MARCHF8: variants seen among roughly 807,000 people sequenced by gnomAD.
MARCHF8 encodes membrane associated ring-CH-type finger 8.
A neutral mutation model predicts 51.6 loss-of-function variants in MARCHF8; 40 were observed. The observed-to-expected ratio is 0.77, with a 90% CI of 0.60 to 1.01. The LOEUF (loss-of-function observed/expected upper bound fraction) is 1.01, where lower values mean the gene tolerates loss of function less well. Ranked by LOEUF, MARCHF8 falls within the 50% of genes least tolerant of loss-of-function variation. The pLI, the probability that MARCHF8 is intolerant of heterozygous loss-of-function variation, is 0.00. For synonymous variants in MARCHF8, 263 were observed against 280.3 expected (o/e 0.94, Z 0.62); for missense variants, 685 against 708.6 (o/e 0.97, Z 0.38).
intron 1 of MARCHF8, among the ~76,000 whole-genome samples, chr10:45,550,084 T>C (rs751829054): frequency 6.6e-6 from 1 of 152,196 alleles, no homozygotes; most frequent in African/African-American, 2.4e-5. Flanking sequence ...TTTGTAACAA[T>C]TTACCACATG....
At chr10:45,488,818 T>A (rs1159191315) in intron 3 of MARCHF8, among the ~76,000 whole-genome samples, 1 of 152,188 alleles carries the variant, frequency 6.6e-6, no homozygotes, top group Non-Finnish European at 1.5e-5. Flanking sequence ...AGAGCCAAGA[T>A]GCCTCCTTCT....
intron 1 of MARCHF8, among the ~76,000 whole-genome samples, chr10:45,555,611 G>T (rs1195465131): frequency 6.6e-6 from 1 of 151,836 alleles, no homozygotes; most frequent in Non-Finnish European, 1.5e-5. Context: ...GTGTTTGGTG[G>T]TGCATGCCTG....
chr10:45,459,907 A>T (rs1366053670), intron 6 of MARCHF8: 32 of 985,162 alleles, frequency 3.2e-5, no homozygotes, highest in Non-Finnish European at 3.9e-5. Flanking sequence ...AAAACACATA[A>T]AGGTAGAGAG....
intron 2 of MARCHF8, among the ~76,000 whole-genome samples, chr10:45,495,868 GAGAAAAGAAA>G (rs556293416): frequency 6.6e-6 from 1 of 151,184 alleles, no homozygotes. Context: ...GAAGAGAAGA[GAGAAAAGAAA>G]AGAAAAGAAA....
chr10:45,541,336 C>T (rs1383438938), intron 1 of MARCHF8, among the ~76,000 whole-genome samples: 1 of 151,966 alleles, frequency 6.6e-6, no homozygotes, highest in African/African-American at 2.4e-5. Flanking sequence ...AACCAAACAC[C>T]ACATGTTCTC....
chr10:45,486,406 A>G (rs1023914192), intron 3 of MARCHF8, among the ~76,000 whole-genome samples: 3 of 152,196 alleles, frequency 2.0e-5, no homozygotes, highest in African/African-American at 7.2e-5. Context: ...TCTACTAAAA[A>G]TACAAAAATT....
chr10:45,455,287 TAG>T lies in MARCHF8; in HGVS notation c.*2950_*2951del, dbSNP rs1263815192. ...GCCTACAGTAGGAAGAGACCTTTTATAGAGTTTTCAGGAAATTCTCACAATAA... is the reference window on the plus strand; with the variant it reads ...GCCTACAGTAGGAAGAGACCTTTTATAGTTTTCAGGAAATTCTCACAATAA... On this transcript the variant is annotated 3_prime_UTR_variant, in exon 8 of 8. Coordinates refer to ENST00000453424, the MANE Select transcript of MARCHF8 (RefSeq NM_001282866.2). 1 of 152,356 alleles carries T rather than the reference TAG, an allele frequency of 6.6e-6. No individual in the cohort carries two copies. The highest frequency in any genetic ancestry group is 2.4e-5 in the African/African-American group (1 of 41,570). 9.4% of individuals were successfully genotyped at this position (152,356 alleles called of 1,614,324 possible).
At position 45,524,073 on chromosome 10, in the gene MARCHF8, T is replaced by C. The variant is rs2043752284; in HGVS notation, c.102+9037A>G. ...GACCTCAAAGTTGCACATAATTTTA[T>C]CTGCATTTAAGCTTCAAAAATCTAT... is the stretch of plus-strand genomic sequence containing the variant. On this transcript the variant is annotated intron_variant, in intron 2 of 7. Transcript: ENST00000453424. Among the ~76,000 whole-genome samples the C allele has an allele frequency of 2.0e-5, 3 of 152,260 alleles. No individual in the cohort carries two copies. In the South Asian group the frequency reaches 6.2e-4, roughly 31 times the overall value.
intron 1 of MARCHF8, among the ~76,000 whole-genome samples, chr10:45,578,891 A>G (rs2044519598): frequency 6.6e-6 from 1 of 152,274 alleles, no homozygotes; most frequent in East Asian, 1.9e-4. Context: ...GATCAATGTC[A>G]AGAATGACAA....
intron 3 of MARCHF8, among the ~76,000 whole-genome samples, chr10:45,477,460 A>G (rs899356246): frequency 6.6e-6 from 1 of 152,216 alleles, no homozygotes; most frequent in Non-Finnish European, 1.5e-5. Context: ...CGTTACCACT[A>G]CAGAAACCCA....
chr10:45,533,509 C>T (rs1391060720), intron 1 of MARCHF8, among the ~76,000 whole-genome samples: 1 of 152,142 alleles, frequency 6.6e-6, no homozygotes, highest in Non-Finnish European at 1.5e-5. Context: ...GCAGGTGGAT[C>T]ACGTACATGT....
chr10:45,504,432 G>T (rs141786936), intron 2 of MARCHF8, among the ~76,000 whole-genome samples: 2 of 152,320 alleles, frequency 1.3e-5, no homozygotes, highest in South Asian at 4.1e-4. Context: ...AAACAAGAGC[G>T]AAACTCCGTC....
At chr10:45,525,068 G>A (rs2043768791) in intron 2 of MARCHF8, among the ~76,000 whole-genome samples, 1 of 152,194 alleles carries the variant, frequency 6.6e-6, no homozygotes, top group South Asian at 2.1e-4. Context: ...TTTTTAAGTA[G>A]TAAAAGTGTG....
chr10:45,585,521 C>T (rs2044609104), intron 1 of MARCHF8, among the ~76,000 whole-genome samples: 1 of 152,090 alleles, frequency 6.6e-6, no homozygotes, highest in Non-Finnish European at 1.5e-5. Flanking sequence ...CAACAGCATG[C>T]AGGGCAAAAC....
chr10:45,484,732 C>A (rs1564477720), intron 3 of MARCHF8, among the ~76,000 whole-genome samples: 1 of 151,552 alleles, frequency 6.6e-6, no homozygotes, highest in Non-Finnish European at 1.5e-5. Context: ...GCCATTCATG[C>A]AAAAAAGGGG....
chr10:45,555,978 A>G (rs1368438463), intron 1 of MARCHF8, among the ~76,000 whole-genome samples: 1 of 152,148 alleles, frequency 6.6e-6, no homozygotes, highest in Non-Finnish European at 1.5e-5. Context: ...CGAATAAATG[A>G]AAAAGGAATG....
chr10:45,482,098 A>C lies in MARCHF8; in HGVS notation c.153+7269T>G, dbSNP rs79874314. ...ATACAAAATAAAATACCTAGAAATA[A>C]ATTTAATCAAAGAGGTGAAAGGCGT... On this transcript the variant is annotated intron_variant, in intron 3 of 7. Transcript: ENST00000453424. Among the ~76,000 whole-genome samples the C allele has an allele frequency of 3.8e-3, 575 of 152,294 alleles. 3 individuals are homozygous for C. Among genetic ancestry groups the C allele is most frequent in the African/African-American group, 0.013 (552 of 41,564 alleles).
intron 3 of MARCHF8, among the ~76,000 whole-genome samples, chr10:45,475,749 C>A (rs1026117396): frequency 1.3e-5 from 2 of 152,126 alleles, no homozygotes; most frequent in Admixed American, 1.3e-4. Context: ...TTTGAGCAAG[C>A]TACAAGGAGG....
intron 2 of MARCHF8, among the ~76,000 whole-genome samples, chr10:45,523,649 G>C (rs1359799200): frequency 6.6e-6 from 1 of 152,234 alleles, no homozygotes. Context: ...ACACAGGACA[G>C]CTATAAGAGA....
Sources: allele counts gnomAD v4.1 joint callset (sites outside exome capture counted in the v4.1 genomes callset), GRCh38; gene constraint gnomAD v4.1.1; transcripts MANE v1.5; gene names NCBI Gene and HGNC (gene_info 2026-07-23, HGNC 2026-07-21).